CFAP44: variants seen among roughly 807,000 people sequenced by gnomAD.
CFAP44 encodes the protein cilia- and flagella-associated protein 44.
CFAP44 carries 134 observed loss-of-function variants against 216.2 expected under a neutral mutation model. The ratio of observed to expected loss-of-function variants is 0.62; its 90% CI spans 0.54 to 0.72. The LOEUF (loss-of-function observed/expected upper bound fraction) is 0.72. CFAP44 is among the 30% of genes least tolerant of loss of function. The pLI, the probability that CFAP44 is intolerant of heterozygous loss-of-function variation, is 0.00. For missense variants in CFAP44, 2,035 were observed against 2,182.1 expected (o/e 0.93, Z 1.34); for synonymous variants, 700 against 727.6 (o/e 0.96, Z 0.61).
At chr3:113,388,143 G>A (rs902407178) in intron 15 of CFAP44, among the ~76,000 whole-genome samples, 2 of 152,102 alleles carry the variant, frequency 1.3e-5, no homozygotes, top group Non-Finnish European at 2.9e-5. Flanking sequence ...AAGCCTGGCT[G>A]GCTTCACCAC....
rs567523930 is a variant in CFAP44, at chr3:113,423,935, C to T, written c.407+2189G>A. Among the ~76,000 whole-genome samples the T allele has an allele frequency of 5.3e-5, 8 of 152,306 alleles. No homozygotes were observed. In the South Asian group the frequency reaches 1.7e-3, roughly 32 times the overall value. On this transcript the variant is annotated intron_variant, in intron 4 of 34. Transcript: ENST00000393845. ...AGCCGAATTGGTTACAGCTTGGCAT[C>T]TGCCTTATTTTAACACAGTTTGAAC... is the stretch of plus-strand genomic sequence containing the variant.
intron 15 of CFAP44, among the ~76,000 whole-genome samples, chr3:113,393,901 C>A (rs893637634): frequency 6.6e-6 from 1 of 152,146 alleles, no homozygotes; most frequent in Non-Finnish European, 1.5e-5. Context: ...ACTACAAGCC[C>A]GTGAGGCCCT....
At chr3:113,344,863 T>G (rs754561908) in intron 22 of CFAP44, among the ~76,000 whole-genome samples, 151 bp from the exon 23 acceptor site, 1 of 152,080 alleles carries the variant, frequency 6.6e-6, no homozygotes, top group Non-Finnish European at 1.5e-5. Context: ...CCAACCAGGA[T>G]GTCATGAAAG....
chr3:113,399,389 A>T (rs1934082205), intron 13 of CFAP44, among the ~76,000 whole-genome samples: 1 of 152,178 alleles, frequency 6.6e-6, no homozygotes, highest in Non-Finnish European at 1.5e-5. Context: ...ACAACTCCCT[A>T]TCTCAGCCTA....
intron 15 of CFAP44, among the ~76,000 whole-genome samples, chr3:113,387,538 G>C (rs1179851866): frequency 6.6e-6 from 1 of 151,990 alleles, no homozygotes; most frequent in Non-Finnish European, 1.5e-5. Context: ...AATCAACAGT[G>C]ATGGCCAGGT....
At chr3:113,365,916 A>G (rs964627739) in intron 19 of CFAP44, 123 bp downstream of exon 19, 2 of 1,071,764 alleles carry the variant, frequency 1.9e-6, no homozygotes, top group Non-Finnish European at 2.6e-6. Context: ...TAGTAGCAGG[A>G]AGATTAGACC....
chr3:113,351,489 A>C (rs991710394), intron 22 of CFAP44, among the ~76,000 whole-genome samples: 2 of 152,190 alleles, frequency 1.3e-5, no homozygotes, highest in South Asian at 4.1e-4. Context: ...AGAAATAATG[A>C]AATCTATCCT....
At chr3:113,415,329 A>AT (rs1239584170) in intron 6 of CFAP44, among the ~76,000 whole-genome samples, 1 of 151,578 alleles carries the variant, frequency 6.6e-6, no homozygotes. Context: ...GGATTCATTG[A>AT]TTTTTTTGGA....
intron 22 of CFAP44, among the ~76,000 whole-genome samples, chr3:113,347,271 G>T (rs1407004429): frequency 6.6e-6 from 1 of 152,170 alleles, no homozygotes; most frequent in Admixed American, 6.5e-5. Context: ...TTTGGGCTGA[G>T]CCAACGGTCA....
Position 113,363,233 on chromosome 3 carries a change from C to G in CFAP44, c.2846G>C (p.Arg949Thr). The G allele has an allele frequency of 6.2e-7, 1 of 1,613,434 alleles. No homozygotes were observed. The highest frequency in any genetic ancestry group is 8.5e-7 in the Non-Finnish European group (1 of 1,179,788). Reference protein sequence around the residue: ...KEVGEIKARKREQIKALRSEF... With the variant: ...KEVGEIKARKTEQIKALRSEF... ...ACTCCTCAAAGCTTTGATTTGCTCT[C>G]TCTTCCGTGCCTTTATTTCTCCCAC... Residue 949 changes from arginine to threonine, a missense_variant, in exon 21 of 35, where the codon AGA (arginine) becomes ACA (threonine). Arg to Thr is a moderately conservative substitution (Grantham distance 71). Around this residue, in one of 3 missense-constraint regions of CFAP44, gnomAD observed 1,883 missense variants for 2,023.7 expected, o/e 0.93. Coordinates refer to ENST00000393845, the MANE Select transcript of CFAP44 (RefSeq NM_001164496.2).
rs1207941124 is a variant in CFAP44, at chr3:113,427,231, C to T, written c.209G>A (p.Gly70Glu). The change falls in exon 3 of 35, where the codon GGA becomes GAA. Residue 70 changes from glycine to glutamate, a missense_variant. Physicochemically the swap from Gly to Glu is moderately conservative, Grantham distance 98. This residue lies in a region of CFAP44 where 149 missense variants were observed against 141.8 expected (regional missense o/e 1.05). Transcript: ENST00000393845. ...EEDSDEERLE[G>E]SLSSFQYGDL... is the part of the protein sequence containing the mutation. ...ACCATACTGAAATGAACTCAAACTT[C>T]CTTCCAAACGTTCCTCATCTGAGTC... The T allele has an allele frequency of 6.2e-7, 1 of 1,613,490 alleles. No individual in the cohort carries two copies. The highest frequency in any genetic ancestry group is 1.3e-5 in the African/African-American group (1 of 75,032).
At chr3:113,302,539 G>A (rs1215599188) in intron 32 of CFAP44, among the ~76,000 whole-genome samples, 1 of 149,690 alleles carries the variant, frequency 6.7e-6, no homozygotes, top group Non-Finnish European at 1.5e-5. Context: ...GCCAAGGCAG[G>A]CAGATCACCT....
intron 8 of CFAP44, among the ~76,000 whole-genome samples, chr3:113,404,841 A>C (rs1934235071): frequency 6.6e-6 from 1 of 152,196 alleles, no homozygotes; most frequent in Admixed American, 6.5e-5. Flanking sequence ...AAAACTACCC[A>C]GTCAGCATTC....
chr3:113,368,466 C>T (rs1322833384), intron 18 of CFAP44, among the ~76,000 whole-genome samples: 1 of 152,156 alleles, frequency 6.6e-6, no homozygotes, highest in Non-Finnish European at 1.5e-5. Context: ...ATTTTCAACA[C>T]AGAATTTCAT....
intron 19 of CFAP44, 92 bp from the exon 20 acceptor site, chr3:113,363,624 G>C (rs1318035271): frequency 8.6e-7 from 1 of 1,161,628 alleles, no homozygotes. Context: ...AACTCAAATT[G>C]GTTCGGTTTT....
At chr3:113,309,387 T>A (rs555506399) in intron 28 of CFAP44, among the ~76,000 whole-genome samples, 2 of 152,310 alleles carry the variant, frequency 1.3e-5, no homozygotes, top group South Asian at 4.2e-4. Flanking sequence ...TCTCCACTTG[T>A]CCTTGTTGTA....
rs7642058 is a variant in CFAP44, at chr3:113,349,716, T to A, written c.3066-5004A>T. The stretch of plus-strand genomic sequence containing the variant: ...CAGTACTGAGGGCTCCCGGGGCAAG[T>A]GCCAGCTCATGTCATCACCCTCACT... On this transcript the variant is annotated intron_variant, in intron 22 of 34. Coordinates refer to ENST00000393845, the MANE Select transcript of CFAP44 (RefSeq NM_001164496.2). 5.3e-5 allele frequency among the ~76,000 whole-genome samples: 8 copies of A among 152,100 alleles called. No individual in the cohort carries two copies. In the South Asian group the frequency reaches 1.7e-3, roughly 32 times the overall value.
rs935572453 is a variant in CFAP44 at position 113,289,218 on chromosome 3, A to G, written c.*2339T>C. 2 of 152,242 alleles carry G rather than the reference A, an allele frequency of 1.3e-5. No individual in the cohort carries two copies. The highest frequency in any genetic ancestry group is 2.9e-5 in the Non-Finnish European group (2 of 68,034). The allele number at this position is 152,242 out of a possible 1,614,324, so 9.4% of individuals were successfully genotyped here. A position where few individuals can be genotyped will look rare whatever the true frequency, so the allele number is the denominator to read the frequency against. Reference sequence around the variant, plus strand: ...TAAAGCTATCAACATATTTTGTCCAATTCAAAATAAAGTAATTCAGTGTTA... The same window carrying G: ...TAAAGCTATCAACATATTTTGTCCAGTTCAAAATAAAGTAATTCAGTGTTA... On this transcript the variant is annotated 3_prime_UTR_variant, in exon 35 of 35. Coordinates refer to ENST00000393845, the MANE Select transcript of CFAP44 (RefSeq NM_001164496.2).
rs562946111 is a variant in CFAP44, at chr3:113,291,229, C to T, written c.*328G>A. 5.2e-6 allele frequency: 1 copy of T among 191,150 alleles called. No individual in the cohort carries two copies. Among genetic ancestry groups the T allele is most frequent in the South Asian group, 1.5e-4 (1 of 6,510 alleles). 11.8% of individuals were successfully genotyped at this position (191,150 alleles called of 1,614,324 possible). ...TGCCAAGGGCTAAAAATTCAGGATACCCCCAAATCAAATTTTCCTAAAACA... is the reference window on the plus strand; with the variant it reads ...TGCCAAGGGCTAAAAATTCAGGATATCCCCAAATCAAATTTTCCTAAAACA... On this transcript the variant is annotated 3_prime_UTR_variant, in exon 35 of 35. Transcript: ENST00000393845.
Sources: gnomAD v4.1 joint callset for allele counts (sites outside exome capture counted in the v4.1 genomes callset) on GRCh38, gnomAD v4.1.1 for gene constraint, gnomAD v4.1.1 regional missense constraint, MANE v1.5 for transcripts, NCBI Gene and HGNC (gene_info 2026-07-23, HGNC 2026-07-21) for gene names.